CACNA2D3: variants seen among roughly 807,000 people sequenced by gnomAD.
CACNA2D3 encodes the protein calcium voltage-gated channel auxiliary subunit alpha2delta 3, also known as voltage-dependent calcium channel subunit alpha-2/delta-3.
In CACNA2D3, 60 loss-of-function variants were observed where a neutral mutation model predicts 160.6. That is an observed-to-expected ratio of 0.37 (90% CI 0.30 to 0.46). The LOEUF (loss-of-function observed/expected upper bound fraction) is 0.46. Among genes scored for constraint, CACNA2D3 ranks in the 20% least tolerant of loss-of-function variants. The pLI, the probability that CACNA2D3 is intolerant of heterozygous loss-of-function variation, is 1.00. For synonymous variants in CACNA2D3, 558 were observed against 492.9 expected, an observed-to-expected ratio of 1.13 and a Z score of -1.75; for missense variants, 1,205 against 1,365.0, an observed-to-expected ratio of 0.88 and a Z score of 1.85.
intron 14 of CACNA2D3, among the ~76,000 whole-genome samples, chr3:54,821,408 A>G (rs140357835): frequency 9.9e-5 from 15 of 152,260 alleles, no homozygotes; most frequent in African/African-American, 3.6e-4. Flanking sequence ...CTGTTGTTCT[A>G]TGCCTGCTGT....
intron 25 of CACNA2D3, among the ~76,000 whole-genome samples, chr3:54,895,407 A>G (rs1403013441): frequency 6.6e-6 from 1 of 152,150 alleles, no homozygotes; most frequent in African/African-American, 2.4e-5. Context: ...TTCCAGAGCT[A>G]TCTAAGAACC....
At chr3:54,166,238 A>G (rs1304030449) in intron 2 of CACNA2D3, among the ~76,000 whole-genome samples, 2 of 152,330 alleles carry the variant, frequency 1.3e-5, no homozygotes, top group East Asian at 3.9e-4. Context: ...CTTTTCCAGC[A>G]GATACTCTGT....
intron 3 of CACNA2D3, chr3:54,385,827 G>T: frequency 2.2e-6 from 1 of 452,520 alleles, no homozygotes; most frequent in South Asian, 1.6e-5. Context: ...GGATACAAGA[G>T]TGACCACAGG....
intron 13 of CACNA2D3, among the ~76,000 whole-genome samples, chr3:54,807,156 T>C (rs564661622): frequency 4.8e-4 from 73 of 152,328 alleles, no homozygotes; most frequent in African/African-American, 1.7e-3. Flanking sequence ...AAGGACTTCA[T>C]GTCTAAGACA....
At chr3:54,750,480 G>C (rs532598974) in intron 11 of CACNA2D3, among the ~76,000 whole-genome samples, 1 of 152,162 alleles carries the variant, frequency 6.6e-6, no homozygotes, top group African/African-American at 2.4e-5. Context: ...GGATTCTGTG[G>C]GTGCTGGCTC....
intron 36 of CACNA2D3, 41 bp from the exon 37 acceptor site, chr3:55,073,736 A>G: frequency 6.4e-7 from 1 of 1,552,202 alleles, no homozygotes; most frequent in Non-Finnish European, 8.9e-7. Flanking sequence ...TGCAGAGTAG[A>G]AAAAAGCAAT....
At position 54,820,973 on chromosome 3, in the gene CACNA2D3, A is replaced by G. The variant is rs139651772; in HGVS notation, c.1398+4103A>G. The stretch of plus-strand genomic sequence containing the variant: ...GATTAATTTAATCAATGTAGGTTTA[A>G]TCAACGTAGAGTGGGCCCGAATGTT... On this transcript the variant is annotated intron_variant, in intron 14 of 37. Transcript: ENST00000474759. 7.6e-4 allele frequency among the ~76,000 whole-genome samples: 115 copies of G among 152,256 alleles called. 1 individual carries two copies. The highest frequency in any genetic ancestry group is 3.4e-3 in the Middle Eastern group (1 of 294).
At chr3:54,637,027 A>G (rs948530860) in intron 10 of CACNA2D3, among the ~76,000 whole-genome samples, 4 of 152,000 alleles carry the variant, frequency 2.6e-5, no homozygotes, top group Non-Finnish European at 5.9e-5. Context: ...ATAGGAGAGT[A>G]TACGGGTTTG....
intron 5 of CACNA2D3, among the ~76,000 whole-genome samples, chr3:54,548,976 A>C (rs1012589067): frequency 6.6e-6 from 1 of 152,226 alleles, no homozygotes; most frequent in Non-Finnish European, 1.5e-5. Context: ...CACGTAATGC[A>C]AATTCCAGCT....
chr3:54,626,557 C>T, intron 9 of CACNA2D3: 1 of 1,594,660 alleles, frequency 6.3e-7, no homozygotes, highest in Non-Finnish European at 8.6e-7. Context: ...CGACCACTAC[C>T]TGGGCGAGTT....
At chr3:54,505,101 A>G (rs1287381518) in intron 5 of CACNA2D3, among the ~76,000 whole-genome samples, 1 of 152,208 alleles carries the variant, frequency 6.6e-6, no homozygotes, top group Non-Finnish European at 1.5e-5. Flanking sequence ...ATAGTTGGAT[A>G]CCTAATGTCT....
chr3:54,809,134 A>G (rs1228232989), intron 13 of CACNA2D3, among the ~76,000 whole-genome samples: 3 of 151,790 alleles, frequency 2.0e-5, no homozygotes, highest in Admixed American at 6.6e-5. Context: ...GTAGTATTTG[A>G]AAGGTGGTCT....
chr3:54,992,803 C>G (rs1702771312), intron 31 of CACNA2D3, among the ~76,000 whole-genome samples: 1 of 150,042 alleles, frequency 6.7e-6, no homozygotes. Context: ...AAGAAAAAAG[C>G]AGTACCTGAG....
intron 4 of CACNA2D3, among the ~76,000 whole-genome samples, chr3:54,461,687 G>T (rs1189632641): frequency 6.6e-6 from 1 of 151,236 alleles, no homozygotes; most frequent in Non-Finnish European, 1.5e-5. Flanking sequence ...ATTAGTCTTG[G>T]TAGTGATCTA....
chr3:54,225,208 G>GT (rs1338068238), intron 2 of CACNA2D3, among the ~76,000 whole-genome samples: 2 of 151,994 alleles, frequency 1.3e-5, no homozygotes, highest in Admixed American at 1.3e-4. Context: ...GCGGTGTTTG[G>GT]TTTTTTGTCC....
chr3:54,831,496 T>G (rs1230208968), intron 14 of CACNA2D3, among the ~76,000 whole-genome samples: 1 of 152,226 alleles, frequency 6.6e-6, no homozygotes, highest in Non-Finnish European at 1.5e-5. Context: ...TAGCCACAGC[T>G]GCTCCCCACC....
At chr3:54,262,331 T>C (rs143474331) in intron 2 of CACNA2D3, among the ~76,000 whole-genome samples, 1,863 of 152,100 alleles carry the variant, frequency 0.012, 18 homozygotes, top group Non-Finnish European at 0.015. Flanking sequence ...AGAAACAACA[T>C]TGAGGCACAG....
chr3:54,891,440 C>T lies in CACNA2D3; in HGVS notation c.2236C>T (p.Leu746Phe), dbSNP rs1207914059. The part of the protein sequence containing the change: ...RINLFVGAEQ[L>F]TNQDFLKAGD... ...CAACCTGTTTGTCGGGGCTGAGCAG[C>T]TCACCAATCAGTAAGTAGGAGGGAT... The change falls in exon 25 of 38, where the codon CTC becomes TTC. Residue 746 changes from leucine to phenylalanine, a missense_variant. Coordinates refer to ENST00000474759, the MANE Select transcript of CACNA2D3 (RefSeq NM_018398.3). 4 of 1,613,424 alleles carry T rather than the reference C, an allele frequency of 2.5e-6. No homozygotes were observed. The highest frequency in any genetic ancestry group is 1.7e-5 in the Admixed American group (1 of 59,994).
intron 4 of CACNA2D3, among the ~76,000 whole-genome samples, chr3:54,464,337 T>G (rs1295684843): frequency 2.3e-4 from 35 of 152,202 alleles, no homozygotes; most frequent in Admixed American, 2.3e-3. Flanking sequence ...CTGCAGAGGT[T>G]ACTGCTGTCT....
Sources: gnomAD v4.1 joint callset for allele counts (sites outside exome capture counted in the v4.1 genomes callset) on GRCh38, gnomAD v4.1.1 for gene constraint, MANE v1.5 for transcripts, NCBI Gene and HGNC (gene_info 2026-07-23, HGNC 2026-07-21) for gene names.